The following SLC1A3 variants were observed in gnomAD, a reference collection of about 807,000 sequenced individuals.
The protein encoded by SLC1A3 is excitatory amino acid transporter 1.
In SLC1A3, 21 loss-of-function variants were observed where a neutral mutation model predicts 48.1. That is an observed-to-expected ratio of 0.44 (90% CI 0.31 to 0.63). The LOEUF (loss-of-function observed/expected upper bound fraction) is 0.63. SLC1A3 is among the 20% of genes least tolerant of loss of function. The pLI is 0.08. For missense variants in SLC1A3, 546 were observed against 689.0 expected (o/e 0.79, Z 2.32); for synonymous variants, 239 against 251.4 (o/e 0.95, Z 0.47).
At chr5:36,672,325 G>A (rs777206560) in intron 4 of SLC1A3, among the ~76,000 whole-genome samples, 2 of 152,162 alleles carry the variant, frequency 1.3e-5, no homozygotes, top group African/African-American at 2.4e-5. Context: ...GGTCCATAGA[G>A]GCCTGGATCC....
At chr5:36,629,698 AG>A (rs1454633972) in intron 3 of SLC1A3, 111 bp downstream of exon 3, 7 of 896,716 alleles carry the variant, frequency 7.8e-6, no homozygotes, top group Non-Finnish European at 5.5e-6. Flanking sequence ...GCTCTGTTCT[AG>A]AAAAAAAAAA....
At chr5:36,683,311 G>A (rs1169450981) in intron 8 of SLC1A3, among the ~76,000 whole-genome samples, 4 of 152,308 alleles carry the variant, frequency 2.6e-5, no homozygotes, top group African/African-American at 7.2e-5. Context: ...GTCATTGTAC[G>A]AGGACCAAAT....
chr5:36,645,506 A>G (rs1740807334), intron 3 of SLC1A3, among the ~76,000 whole-genome samples: 1 of 151,580 alleles, frequency 6.6e-6, no homozygotes, highest in South Asian at 2.1e-4. Flanking sequence ...TTACATTTTT[A>G]GTATAGACAG....
chr5:36,687,542 T>TA lies in SLC1A3; in HGVS notation c.*1275dup, dbSNP rs965148221. On this transcript the variant is annotated 3_prime_UTR_variant, in exon 10 of 10. Coordinates refer to ENST00000265113, the MANE Select transcript of SLC1A3 (RefSeq NM_004172.5). ...AAAGAAGTCAAATGAATGAGCTCTC[T>TA]AATAGAAGTCCATGAGTTGAGTGGG... The TA allele has an allele frequency of 6.6e-6, 1 of 152,230 alleles. No homozygotes were observed. Among genetic ancestry groups the TA allele is most frequent in the African/African-American group, 2.4e-5 (1 of 41,448 alleles). 9.4% of individuals were successfully genotyped at this position (152,230 alleles called of 1,614,324 possible). A position where few individuals can be genotyped will look rare whatever the true frequency, so the allele number is the denominator to read the frequency against.
chr5:36,630,635 C>A (rs1025094834), intron 3 of SLC1A3, among the ~76,000 whole-genome samples: 7 of 152,182 alleles, frequency 4.6e-5, no homozygotes, highest in African/African-American at 1.7e-4. Flanking sequence ...TTTATACTAT[C>A]CTTCAAGATC....
At chr5:36,658,890 T>C (rs1741391425) in intron 3 of SLC1A3, among the ~76,000 whole-genome samples, 1 of 152,108 alleles carries the variant, frequency 6.6e-6, no homozygotes, top group Admixed American at 6.5e-5. Flanking sequence ...ATGTTATGAC[T>C]CTCCAGTTCA....
intron 2 of SLC1A3, among the ~76,000 whole-genome samples, chr5:36,610,024 CT>C (rs2111663938): frequency 6.6e-6 from 1 of 152,288 alleles, no homozygotes; most frequent in African/African-American, 2.4e-5. Flanking sequence ...TCAAACAAGC[CT>C]ATGAAGCGAG....
upstream of SLC1A3, among the ~76,000 whole-genome samples, chr5:36,605,230 G>T (rs1738884786): frequency 6.6e-6 from 1 of 152,150 alleles, no homozygotes; most frequent in Non-Finnish European, 1.5e-5. Context: ...AAAGAAGGAT[G>T]CAGTACAAAA....
chr5:36,619,628 C>G (rs1739586234), intron 2 of SLC1A3, among the ~76,000 whole-genome samples: 1 of 152,082 alleles, frequency 6.6e-6, no homozygotes, highest in African/African-American at 2.4e-5. Flanking sequence ...TGAAAATAAG[C>G]GAATGGAAAT....
rs1277547530 is a variant in SLC1A3 at position 36,657,703 on chromosome 5, C to T, written c.320-13326C>T. Among the ~76,000 whole-genome samples the T allele has an allele frequency of 2.0e-5, 3 of 152,186 alleles. No homozygotes were observed. The East Asian group carries it at 5.8e-4, about 29-fold the overall frequency. On this transcript the variant is annotated intron_variant, in intron 3 of 9. Coordinates refer to ENST00000265113, the MANE Select transcript of SLC1A3 (RefSeq NM_004172.5). ...TGAAGTTGAGCAAGGAATAAGTGTA[C>T]ATTTCTGCTTTTAGATTCAAAAGGC...
intron 2 of SLC1A3, among the ~76,000 whole-genome samples, chr5:36,610,595 T>C (rs948218440): frequency 4.5e-4 from 69 of 152,128 alleles, no homozygotes; most frequent in African/African-American, 1.6e-3. Flanking sequence ...GACAGATTGA[T>C]GGAGAAGGAA....
At chr5:36,679,399 G>A (rs1742340145) in intron 6 of SLC1A3, among the ~76,000 whole-genome samples, 3 of 152,164 alleles carry the variant, frequency 2.0e-5, no homozygotes, top group East Asian at 1.9e-4. Flanking sequence ...TGAGGGGAAA[G>A]CCCGATTCTG....
chr5:36,649,473 T>C (rs1327234985), intron 3 of SLC1A3: 1 of 152,236 alleles, frequency 6.6e-6, no homozygotes, highest in Non-Finnish European at 1.5e-5. Flanking sequence ...TCCTATGTTC[T>C]GTTGGCTGAC....
chr5:36,680,700 C>T, intron 8 of SLC1A3, 111 bp downstream of exon 8: 1 of 877,326 alleles, frequency 1.1e-6, no homozygotes, highest in Non-Finnish European at 1.9e-6. Context: ...GGTGGATCTC[C>T]TGAGGCCAGG....
At chr5:36,616,131 G>A (rs1258170439) in intron 2 of SLC1A3, among the ~76,000 whole-genome samples, 7 of 152,002 alleles carry the variant, frequency 4.6e-5, no homozygotes, top group Non-Finnish European at 8.8e-5. Flanking sequence ...GAAGGAGGAG[G>A]TTGCAGTGAA....
upstream of SLC1A3, among the ~76,000 whole-genome samples, chr5:36,604,552 T>A (rs903269497): frequency 6.6e-6 from 1 of 152,176 alleles, no homozygotes; most frequent in African/African-American, 2.4e-5. Context: ...TGCATCTCAT[T>A]TTCTCATTAG....
chr5:36,649,763 T>C (rs1311748981), intron 3 of SLC1A3, among the ~76,000 whole-genome samples: 3 of 152,252 alleles, frequency 2.0e-5, no homozygotes, highest in Non-Finnish European at 4.4e-5. Context: ...TAGTAGCTAA[T>C]ATAACCCTTT....
At chr5:36,627,413 C>G (rs1278649808) in intron 2 of SLC1A3, among the ~76,000 whole-genome samples, 2 of 151,976 alleles carry the variant, frequency 1.3e-5, no homozygotes, top group Non-Finnish European at 2.9e-5. Flanking sequence ...ACCCAGCCAA[C>G]CCACGCAGAA....
intron 3 of SLC1A3, among the ~76,000 whole-genome samples, chr5:36,643,875 T>C (rs1658135504): frequency 6.6e-6 from 1 of 152,062 alleles, no homozygotes; most frequent in South Asian, 2.1e-4. Context: ...GAGCCTGTAA[T>C]CCCAGCTACT....
Sources: gnomAD v4.1 joint callset for allele counts (sites outside exome capture counted in the v4.1 genomes callset) on GRCh38, gnomAD v4.1.1 for gene constraint, MANE v1.5 for transcripts, NCBI Gene and HGNC (gene_info 2026-07-23, HGNC 2026-07-21) for gene names.